Variants in METTL8 observed in about 807,000 individuals in gnomAD.
METTL8 encodes methyltransferase 8, tRNA N3-cytidine.
A neutral mutation model predicts 48.7 loss-of-function variants in METTL8; 32 were observed. The ratio of observed to expected loss-of-function variants is 0.66; its 90% CI spans 0.50 to 0.88. METTL8 has a LOEUF of 0.88. METTL8 is among the 40% of genes least tolerant of loss of function. The pLI, the probability that METTL8 is intolerant of heterozygous loss-of-function variation, is 0.00. For missense variants in METTL8, 464 were observed against 474.4 expected, an observed-to-expected ratio of 0.98 and a Z score of 0.20; for synonymous variants, 136 against 157.1, an observed-to-expected ratio of 0.87 and a Z score of 1.01.
chr2:171,341,023 T>C (rs1160865641), intron 3 of METTL8, among the ~76,000 whole-genome samples: 1 of 152,172 alleles, frequency 6.6e-6, no homozygotes, highest in Non-Finnish European at 1.5e-5. Flanking sequence ...CTCTTCCTAT[T>C]TGCTCCTTAA....
intron 2 of METTL8, chr2:171,374,827 C>A: frequency 1.5e-6 from 1 of 685,608 alleles, no homozygotes; most frequent in Non-Finnish European, 2.6e-6. Flanking sequence ...ATATGTTTAA[C>A]ATACACAGTA....
chr2:171,351,491 T>A (rs1683913164), intron 3 of METTL8, among the ~76,000 whole-genome samples: 1 of 152,222 alleles, frequency 6.6e-6, no homozygotes, highest in Non-Finnish European at 1.5e-5. Context: ...TTTTTCCAAT[T>A]CTGTGAAGAA....
chr2:171,416,395 G>A (rs1691321713), intron 1 of METTL8, among the ~76,000 whole-genome samples: 1 of 152,180 alleles, frequency 6.6e-6, no homozygotes, highest in African/African-American at 2.4e-5. Context: ...TCCTCAAACT[G>A]CCACCTCAAA....
At chr2:171,354,682 TTC>T (rs1279071909) in intron 3 of METTL8, among the ~76,000 whole-genome samples, 2 of 152,210 alleles carry the variant, frequency 1.3e-5, no homozygotes, top group African/African-American at 4.8e-5. Flanking sequence ...TTCTCTAAAC[TTC>T]TCTTTTCGCT....
intron 3 of METTL8, among the ~76,000 whole-genome samples, chr2:171,346,085 G>C (rs1687237342): frequency 6.6e-6 from 1 of 152,186 alleles, no homozygotes; most frequent in Non-Finnish European, 1.5e-5. Flanking sequence ...CTGGAGTGCA[G>C]TGGTGCAATC....
At chr2:171,328,338 C>T (rs1352803952) in intron 7 of METTL8, among the ~76,000 whole-genome samples, 1 of 152,206 alleles carries the variant, frequency 6.6e-6, no homozygotes, top group Admixed American at 6.5e-5. Context: ...TAGCCACCTA[C>T]AATTTATTCC....
intron 2 of METTL8, chr2:171,375,348 GGT>G: frequency 1.5e-6 from 1 of 664,154 alleles, no homozygotes; most frequent in Non-Finnish European, 2.7e-6. Context: ...TTAGCATAGT[GGT>G]GAGTAAAAAC....
intron 6 of METTL8, among the ~76,000 whole-genome samples, chr2:171,330,964 A>G (rs1685466199): frequency 6.6e-6 from 1 of 152,162 alleles, no homozygotes; most frequent in Admixed American, 6.5e-5. Context: ...TTTCTGAGTT[A>G]GTAGACAGTG....
At chr2:171,345,563 CAAAT>C (rs1168099110) in intron 3 of METTL8, among the ~76,000 whole-genome samples, 1 of 152,132 alleles carries the variant, frequency 6.6e-6, no homozygotes, top group Non-Finnish European at 1.5e-5. Flanking sequence ...AACTTATAAA[CAAAT>C]AACCTAAATT....
intron 2 of METTL8, 58 bp downstream of exon 2, chr2:171,391,985 A>C: frequency 6.8e-7 from 1 of 1,472,636 alleles, no homozygotes; most frequent in Non-Finnish European, 9.1e-7. Context: ...AATGAAAATA[A>C]TACCACTGGT....
At position 171,318,365 on chromosome 2, in the gene METTL8, T is replaced by G. The variant is rs1332101519; in HGVS notation, c.*5807A>C. 5 of 152,218 alleles carry G rather than the reference T, an allele frequency of 3.3e-5. No individual in the cohort carries two copies. The East Asian group carries it at 9.6e-4, about 29-fold the overall frequency. The allele number at this position is 152,218 out of a possible 1,614,324, so 9.4% of individuals were successfully genotyped here. On this transcript the variant is annotated 3_prime_UTR_variant, in exon 10 of 10. Coordinates refer to ENST00000375258, the MANE Select transcript of METTL8 (RefSeq NM_001321154.2). ...TAAATAACGATGTTTTCACTCATATTTTATTATGGACACCTCCTGATTTCA... is the reference window on the plus strand; with the variant it reads ...TAAATAACGATGTTTTCACTCATATGTTATTATGGACACCTCCTGATTTCA...
At chr2:171,336,362 T>G (rs1349924640) in intron 5 of METTL8, among the ~76,000 whole-genome samples, 3 of 150,128 alleles carry the variant, frequency 2.0e-5, no homozygotes, top group African/African-American at 7.3e-5. Context: ...CCCAAAGTGC[T>G]GGGATTACAG....
intron 1 of METTL8, among the ~76,000 whole-genome samples, chr2:171,406,676 G>A (rs1484352604): frequency 6.6e-6 from 1 of 152,120 alleles, no homozygotes; most frequent in Admixed American, 6.5e-5. Context: ...TTGTGGGGTA[G>A]GCCTTCAGCA....
chr2:171,331,765 C>A (rs374565336), intron 6 of METTL8, 39 bp downstream of exon 6: 20 of 1,489,614 alleles, frequency 1.3e-5, no homozygotes, highest in Non-Finnish European at 1.7e-5. Flanking sequence ...GGGGTAATAC[C>A]TTAGGCATCA....
At chr2:171,364,650 G>A (rs1685535354) in intron 2 of METTL8, among the ~76,000 whole-genome samples, 1 of 151,976 alleles carries the variant, frequency 6.6e-6, no homozygotes, top group African/African-American at 2.4e-5. Flanking sequence ...AAATAATTGT[G>A]TATTTGGTTT....
intron 2 of METTL8, among the ~76,000 whole-genome samples, chr2:171,374,173 G>GT (rs1686694593): frequency 1.3e-5 from 2 of 152,022 alleles, no homozygotes; most frequent in African/African-American, 4.8e-5. Context: ...CGCATCCCTT[G>GT]TAAGTTGGAT....
chr2:171,379,243 G>C (rs1023335692), intron 2 of METTL8, among the ~76,000 whole-genome samples: 3 of 152,164 alleles, frequency 2.0e-5, no homozygotes, highest in African/African-American at 7.2e-5. Context: ...AGAATTTCTG[G>C]AATGCAGCTA....
chr2:171,432,192 C>G (rs2105692076), intron 1 of METTL8, among the ~76,000 whole-genome samples: 1 of 152,156 alleles, frequency 6.6e-6, no homozygotes, highest in East Asian at 1.9e-4. Flanking sequence ...GGGTAGGTCT[C>G]CAGCTGCGGA....
At chr2:171,373,791 G>A (rs1686637714) in intron 2 of METTL8, among the ~76,000 whole-genome samples, 1 of 152,130 alleles carries the variant, frequency 6.6e-6, no homozygotes, top group Non-Finnish European at 1.5e-5. Context: ...GATGGTTGTA[G>A]ATGTGTGGTA....
Sources: gnomAD v4.1 joint callset for allele counts (sites outside exome capture counted in the v4.1 genomes callset) on GRCh38, gnomAD v4.1.1 for gene constraint, MANE v1.5 for transcripts, NCBI Gene and HGNC (gene_info 2026-07-23, HGNC 2026-07-21) for gene names.